The following WDR6 variants were observed in gnomAD, a reference collection of about 807,000 sequenced individuals.
WDR6 encodes the protein tRNA (34-2'-O)-methyltransferase regulator WDR6.
Under a neutral mutation model 85.6 loss-of-function variants are expected in WDR6, and 58 were observed. The observed-to-expected ratio is 0.68, with a 90% confidence interval of 0.55 to 0.84. The LOEUF (loss-of-function observed/expected upper bound fraction) is 0.84. Ranked by LOEUF, WDR6 falls within the 40% of genes least tolerant of loss-of-function variation. The pLI, the probability that WDR6 is intolerant of heterozygous loss-of-function variation, is 0.00. For missense variants in WDR6, 1,310 were observed against 1,476.4 expected, an observed-to-expected ratio of 0.89 and a Z score of 1.85; for synonymous variants, 569 against 582.2, an observed-to-expected ratio of 0.98 and a Z score of 0.33.
chr3:49,013,447 T>C lies in WDR6; in HGVS notation c.1913T>C (p.Val638Ala). Residue 638 changes from valine to alanine, a missense_variant, in exon 2 of 6, where the codon GTG (valine) becomes GCG (alanine). By Grantham distance (64) the Val-to-Ala change is moderately conservative. Transcript: ENST00000608424. This position sits in a 1 kb window ranked among gnomAD's most constrained non-coding sequence, Gnocchi z 4.6. ...VILGFHANEF[V>A]VWNPRSHEKL... ...CTGGGTTTCCATGCCAATGAGTTTG[T>C]GGTGTGGAACCCTCGGTCACACGAG... 6.2e-7 allele frequency: 1 copy of C among 1,614,174 alleles called. No homozygotes were observed. The highest frequency in any genetic ancestry group is 1.3e-5 in the African/African-American group (1 of 75,018).
In WDR6 at chr3:49,014,505, A is replaced by T. The variant is rs759885534; in HGVS notation, c.2783+6A>T. On this transcript the variant is annotated splice_donor_region_variant and intron_variant, in intron 4 of 5. Coordinates refer to ENST00000608424, the MANE Select transcript of WDR6 (RefSeq NM_018031.6). This position sits in a 1 kb window ranked among gnomAD's most constrained non-coding sequence, Gnocchi z 4.9. ...GAGGCACCCAACCAGAGGCGGTGAG[A>T]GGGGCTGGATGATGGTCCTGCATGG... 15 of 1,613,804 alleles carry T rather than the reference A, an allele frequency of 9.3e-6. No homozygotes were observed. The South Asian group carries it at 1.3e-4, about 14-fold the overall frequency.
At chr3:49,011,135 A>C in intron 1 of WDR6, 1 of 423,904 alleles carries the variant, frequency 2.4e-6, no homozygotes, top group Non-Finnish European at 4.6e-6. Context: ...CCCAGGCTGG[A>C]GTGAAGTGGT....
chr3:49,009,322 C>G (rs1351714801), intron 1 of WDR6, among the ~76,000 whole-genome samples: 10 of 114,358 alleles, frequency 8.7e-5, no homozygotes, highest in East Asian at 6.8e-4. Context: ...CCCCCCCCCC[C>G]CCGCCCCAAC....
rs1395345171 is a variant in WDR6, at chr3:49,012,111, T to G, written c.577T>G (p.Leu193Val). Residue 193 changes from leucine to valine, a missense_variant, in exon 2 of 6, where the codon TTA (leucine) becomes GTA (valine). Coordinates refer to ENST00000608424, the MANE Select transcript of WDR6 (RefSeq NM_018031.6). This position sits in a 1 kb window ranked among gnomAD's most constrained non-coding sequence, Gnocchi z 4.4. Reference protein sequence around the residue: ...QLLVWYPATALADNKPVAPDR... With the variant: ...QLLVWYPATAVADNKPVAPDR... The stretch of plus-strand genomic sequence containing the variant: ...CTTGGTCTGGTACCCAGCAACTGCC[T>G]TAGCAGACAACAAACCTGTAGCACC... 3.1e-6 allele frequency: 5 copies of G among 1,613,938 alleles called. No homozygotes were observed. The Admixed American group carries it at 8.3e-5, about 27-fold the overall frequency.
intron 1 of WDR6, chr3:49,008,463 TC>T (rs1559894116): frequency 6.6e-6 from 1 of 152,188 alleles, no homozygotes; most frequent in East Asian, 1.9e-4. Flanking sequence ...AGCGCGGAGT[TC>T]CTACCGCGAG....
At position 49,015,574 on chromosome 3, in the gene WDR6, G is replaced by A. The variant is rs146232576; in HGVS notation, c.*286G>A. The A allele has an allele frequency of 1.9e-6, 3 of 1,613,380 alleles. No individual in the cohort carries two copies. Among genetic ancestry groups the A allele is most frequent in the East Asian group, 4.5e-5 (2 of 44,880 alleles). On this transcript the variant is annotated 3_prime_UTR_variant, in exon 6 of 6. Coordinates refer to ENST00000608424, the MANE Select transcript of WDR6 (RefSeq NM_018031.6). ...ACTTTGTGAACATTCCCAGGTATTG[G>A]AGCCTCTGTGGCCTTAAATGTGGCT...
In WDR6 at chr3:49,014,603, G is replaced by A. The variant is rs1371916159; in HGVS notation, c.2787G>A (p.Arg929=). 6.2e-7 allele frequency: 1 copy of A among 1,613,398 alleles called. No individual in the cohort carries two copies. The highest frequency in any genetic ancestry group is 1.3e-5 in the African/African-American group (1 of 74,898). Reference sequence around the variant, plus strand: ...GCTGTCTTTTCCTGGCTCTCAGGAGGCTCCTCCTGTGCAGCGCAGCTACTG... The same window carrying A: ...GCTGTCTTTTCCTGGCTCTCAGGAGACTCCTCCTGTGCAGCGCAGCTACTG... The part of the protein sequence containing the change: ...FTHEAPNQRR[R]LLLCSAATDG... Residue 929 remains arginine (R), a synonymous_variant, in exon 5 of 6, where the codon AGG becomes AGA. Transcript: ENST00000608424. The surrounding 1 kb of genome is among the most constrained non-coding windows in gnomAD (Gnocchi z 4.9).
Position 49,014,296 on chromosome 3 carries a change from G to A in WDR6, c.2666+3G>A, listed in dbSNP as rs1371026210. 3 of 1,614,170 alleles carry A rather than the reference G, an allele frequency of 1.9e-6. No homozygotes were observed. The highest frequency in any genetic ancestry group is 1.1e-5 in the South Asian group (1 of 91,076). On this transcript the variant is annotated splice_donor_region_variant and intron_variant, in intron 3 of 5. Coordinates refer to ENST00000608424, the MANE Select transcript of WDR6 (RefSeq NM_018031.6). This position sits in a 1 kb window ranked among gnomAD's most constrained non-coding sequence, Gnocchi z 4.9. Reference sequence around the variant, plus strand: ...GCCTGTAGTGATGGGGCCGTAAGGTGAGAGCATAGGGCCCAGTGGGACAGG... The same window carrying A: ...GCCTGTAGTGATGGGGCCGTAAGGTAAGAGCATAGGGCCCAGTGGGACAGG...
rs773347778 is a variant in WDR6 at position 49,014,852 on chromosome 3, A to T, written c.2930A>T (p.Gln977Leu). 5 of 1,608,158 alleles carry T rather than the reference A, an allele frequency of 3.1e-6. No individual in the cohort carries two copies. The highest frequency in any genetic ancestry group is 4.3e-6 in the Non-Finnish European group (5 of 1,175,780). ...CTTGGCACCCCCTCCCTGACTCTCC[A>T]GGCCCACAGCTGTGGTATCAACAGC... ...YRLGTPSLTL[Q>L]AHSCGINSLH... The change falls in exon 6 of 6, where the codon CAG (glutamine) becomes CTG (leucine). Residue 977 changes from glutamine (Q) to leucine (L), a missense_variant. Gln to Leu is a moderately radical substitution (Grantham distance 113). Transcript: ENST00000608424. The surrounding 1 kb of genome is among the most constrained non-coding windows in gnomAD (Gnocchi z 4.9).
At chr3:49,011,407 T>C (rs2093013898) in intron 1 of WDR6, 1 of 1,453,514 alleles carries the variant, frequency 6.9e-7, no homozygotes, top group South Asian at 1.3e-5. Context: ...TTTTTTTTTT[T>C]TCTTTTGAGA....
rs1456304996 is a variant in WDR6 at position 49,013,148 on chromosome 3, T to G, written c.1614T>G (p.Ala538=). The change falls in exon 2 of 6, where the codon GCT becomes GCG. Residue 538 remains alanine (A), a synonymous_variant. Coordinates refer to ENST00000608424, the MANE Select transcript of WDR6 (RefSeq NM_018031.6). This position sits in a 1 kb window ranked among gnomAD's most constrained non-coding sequence, Gnocchi z 4.6. ...PGVGGKARAG[A]GAPVVGSGSS... is the part of the protein sequence containing the mutation. ...TGGGAGGCAAGGCTCGGGCTGGTGCTGGGGCACCTGTAGTGGGTAGTGGTA... is the reference window on the plus strand; with the variant it reads ...TGGGAGGCAAGGCTCGGGCTGGTGCGGGGGCACCTGTAGTGGGTAGTGGTA... 6.2e-7 allele frequency: 1 copy of G among 1,609,302 alleles called. No individual in the cohort carries two copies.
In WDR6 at chr3:49,013,057, G is replaced by T; in HGVS notation, c.1523G>T (p.Cys508Phe). ...AFLPPGDFLV[C>F]GDRRGSVLLF... ...CTACCCCCAGGTGACTTCCTGGTGT[G>T]TGGTGACCGCCGGGGCTCTGTGCTG... Residue 508 changes from cysteine (C) to phenylalanine (F), a missense_variant, in exon 2 of 6, where the codon TGT becomes TTT. Physicochemically the swap from Cys to Phe is radical, Grantham distance 205. Coordinates refer to ENST00000608424, the MANE Select transcript of WDR6 (RefSeq NM_018031.6). The surrounding 1 kb of genome is among the most constrained non-coding windows in gnomAD (Gnocchi z 4.6). 1 of 1,611,984 alleles carries T rather than the reference G, an allele frequency of 6.2e-7. No homozygotes were observed. Among genetic ancestry groups the T allele is most frequent in the Non-Finnish European group, 8.5e-7 (1 of 1,178,610 alleles).
Position 49,013,366 on chromosome 3 carries a change from G to C in WDR6, c.1832G>C (p.Arg611Pro), listed in dbSNP as rs752315994. Reference sequence around the variant, plus strand: ...CCAGTCCTAAGGCAGAAGTCCTGTCGAGGCATGAACTGGCTAGCTGGGCTC... The same window carrying C: ...CCAGTCCTAAGGCAGAAGTCCTGTCCAGGCATGAACTGGCTAGCTGGGCTC... The part of the protein sequence containing the change: ...LQPVLRQKSC[R>P]GMNWLAGLRI... Residue 611 changes from arginine to proline, a missense_variant, in exon 2 of 6, where the codon CGA becomes CCA. Physicochemically the swap from Arg to Pro is moderately radical, Grantham distance 103. Transcript: ENST00000608424. This position sits in a 1 kb window ranked among gnomAD's most constrained non-coding sequence, Gnocchi z 4.6. 6.2e-7 allele frequency: 1 copy of C among 1,614,176 alleles called. No individual in the cohort carries two copies. Among genetic ancestry groups the C allele is most frequent in the Non-Finnish European group, 8.5e-7 (1 of 1,180,020 alleles).
At chr3:49,011,059 C>G (rs957457130) in intron 1 of WDR6, 2 of 441,064 alleles carry the variant, frequency 4.5e-6, no homozygotes, top group African/African-American at 4.1e-5. Flanking sequence ...AAAGTCAGCA[C>G]TGAAAGTCCA....
In WDR6 at chr3:49,015,870, T is replaced by TATCTA. The variant is rs1321893178; in HGVS notation, c.*583_*587dup. On this transcript the variant is annotated 3_prime_UTR_variant, in exon 6 of 6. Coordinates refer to ENST00000608424, the MANE Select transcript of WDR6 (RefSeq NM_018031.6). ...TGCTGAGCTGTACCAGGAACTTGCA[T>TATCTA]ATCTAGAGACAGAGACTGAGTCACT... 6.2e-7 allele frequency: 1 copy of TATCTA among 1,614,084 alleles called. No homozygotes were observed. The highest frequency in any genetic ancestry group is 8.5e-7 in the Non-Finnish European group (1 of 1,180,048).
chr3:49,011,394 CTTTTTT>C, intron 1 of WDR6: 1 of 1,147,124 alleles, frequency 8.7e-7, no homozygotes. Flanking sequence ...CAAGGATTTT[CTTTTTT>C]TTTTTTTTCT....
chr3:49,012,655 A>G lies in WDR6; in HGVS notation c.1121A>G (p.Tyr374Cys), dbSNP rs577570678. The G allele has an allele frequency of 1.7e-5, 28 of 1,613,874 alleles. No individual in the cohort carries two copies. The highest frequency in any genetic ancestry group is 1.6e-4 in the Middle Eastern group (1 of 6,084). Reference sequence around the variant, plus strand: ...ACTGATACAGGGGCCCTGTATCTCTATGACGTCGAGGTCAAGTGCTGGGAG... The same window carrying G: ...ACTGATACAGGGGCCCTGTATCTCTGTGACGTCGAGGTCAAGTGCTGGGAG... Reference protein sequence around the residue: ...AVTDTGALYLYDVEVKCWEQL... With the variant: ...AVTDTGALYLCDVEVKCWEQL... Residue 374 changes from tyrosine (Y) to cysteine (C), a missense_variant, in exon 2 of 6, where the codon TAT (tyrosine) becomes TGT (cysteine). Tyr to Cys is a radical substitution (Grantham distance 194). Transcript: ENST00000608424. The surrounding 1 kb of genome is among the most constrained non-coding windows in gnomAD (Gnocchi z 4.4).
At chr3:49,008,655 G>A (rs1266482004) in intron 1 of WDR6, among the ~76,000 whole-genome samples, 1 of 152,174 alleles carries the variant, frequency 6.6e-6, no homozygotes, top group African/African-American at 2.4e-5. Flanking sequence ...AGCAGGAATG[G>A]AGTCTGGGAG....
In WDR6 at chr3:49,014,025, C is replaced by T; in HGVS notation, c.2491C>T (p.His831Tyr). The change falls in exon 2 of 6, where the codon CAT becomes TAT. Residue 831 changes from histidine to tyrosine, a missense_variant. His to Tyr is a moderately conservative substitution (Grantham distance 83). Coordinates refer to ENST00000608424, the MANE Select transcript of WDR6 (RefSeq NM_018031.6). The surrounding 1 kb of genome is among the most constrained non-coding windows in gnomAD (Gnocchi z 4.9). ...CAGCACCCCAAGCCGCCTCGCCTGC[C>T]ATGTCATGCACCTTTCGTCCCACCG... ...DPSTPSRLAC[H>Y]VMHLSSHRLD... is the part of the protein sequence containing the mutation. 6.2e-7 allele frequency: 1 copy of T among 1,612,392 alleles called. No homozygotes were observed. Among genetic ancestry groups the T allele is most frequent in the Non-Finnish European group, 8.5e-7 (1 of 1,180,010 alleles).
Sources: gnomAD v4.1 joint callset for allele counts (sites outside exome capture counted in the v4.1 genomes callset) on GRCh38, gnomAD v4.1.1 for gene constraint, Gnocchi (gnomAD v3.1) non-coding constraint, MANE v1.5 for transcripts, NCBI Gene and HGNC (gene_info 2026-07-23, HGNC 2026-07-21) for gene names.